The following HEBP2 variants were observed in gnomAD, a reference collection of about 807,000 sequenced individuals.
The protein encoded by HEBP2 is heme-binding protein 2.
HEBP2 carries 27 observed loss-of-function variants against 23.1 expected under a neutral mutation model. The observed-to-expected ratio is 1.17, with a 90% CI of 0.86 to 1.61. The LOEUF (loss-of-function observed/expected upper bound fraction) is 1.61. Ranked by LOEUF, HEBP2 falls within the 40% of genes most tolerant of loss-of-function variation. The pLI, the probability that HEBP2 is intolerant of heterozygous loss-of-function variation, is 0.00. For missense variants in HEBP2, 245 were observed against 253.8 expected, an observed-to-expected ratio of 0.97 and a Z score of 0.24; for synonymous variants, 99 against 95.1, an observed-to-expected ratio of 1.04 and a Z score of -0.24.
In HEBP2 at chr6:138,404,269, G is replaced by A; in HGVS notation, c.-227G>A. ...GGGGCAGGACGCGCAACTCCGGCCG[G>A]AGCTGTCCGGGGTCGTGAGCCGGCC... On this transcript the variant is annotated 5_prime_UTR_variant, in exon 1 of 4. Coordinates refer to ENST00000607197, the MANE Select transcript of HEBP2 (RefSeq NM_014320.3). The A allele has an allele frequency of 3.0e-6, 1 of 328,190 alleles. No individual in the cohort carries two copies. Among genetic ancestry groups the A allele is most frequent in the East Asian group, 4.7e-5 (1 of 21,154 alleles). 20.3% of individuals were successfully genotyped at this position (328,190 alleles called of 1,614,324 possible). A position where few individuals can be genotyped will look rare whatever the true frequency, so the allele number is the denominator to read the frequency against.
chr6:138,412,072 CT>C (rs1396519667), intron 3 of HEBP2: 1 of 449,616 alleles, frequency 2.2e-6, no homozygotes, highest in Admixed American at 2.4e-5. Flanking sequence ...AGTGTTTATT[CT>C]TTTCCTTAGG....
chr6:138,404,380 C>G lies in HEBP2; in HGVS notation c.-116C>G. On this transcript the variant is annotated 5_prime_UTR_variant, in exon 1 of 4. Transcript: ENST00000607197. ...CTCCAGCCCGGCCGGGAGGAGGGAC[C>G]GGGTCTGCGGAGCGGGGACTCGGGG... 2 of 607,816 alleles carry G rather than the reference C, an allele frequency of 3.3e-6. No individual in the cohort carries two copies. Among genetic ancestry groups the G allele is most frequent in the Non-Finnish European group, 4.6e-6 (2 of 430,526 alleles). The allele number at this position is 607,816 out of a possible 1,614,324, so 37.7% of individuals were successfully genotyped here. A position where few individuals can be genotyped will look rare whatever the true frequency, so the allele number is the denominator to read the frequency against.
Position 138,414,731 on chromosome 6 carries a change from C to T in HEBP2, c.*1653C>T, listed in dbSNP as rs1774812913. 2 of 152,200 alleles carry T rather than the reference C, an allele frequency of 1.3e-5. No homozygotes were observed. Among genetic ancestry groups the T allele is most frequent in the African/African-American group, 2.4e-5 (1 of 41,414 alleles). 9.4% of individuals were successfully genotyped at this position (152,200 alleles called of 1,614,324 possible). On this transcript the variant is annotated 3_prime_UTR_variant, in exon 4 of 4. Coordinates refer to ENST00000607197, the MANE Select transcript of HEBP2 (RefSeq NM_014320.3). ...ACAGCATGCTTTTTTCTGGCAATTC[C>T]CAGCCAATAACTGAGCAAGGTGGTG...
chr6:138,406,142 T>G lies in HEBP2; in HGVS notation c.410T>G (p.Val137Gly). ...ATTGAAGATAGAGCCGAAATGACTG[T>G]GTTTGTACGGTAAGTGGTAGATAAT... The part of the protein sequence containing the change: ...VFIEDRAEMT[V>G]FVRSFDGFSS... The change falls in exon 3 of 4, where the codon GTG becomes GGG. Residue 137 changes from valine to glycine, a missense_variant. Coordinates refer to ENST00000607197, the MANE Select transcript of HEBP2 (RefSeq NM_014320.3). 1 of 1,613,842 alleles carries G rather than the reference T, an allele frequency of 6.2e-7. No individual in the cohort carries two copies. The highest frequency in any genetic ancestry group is 2.2e-5 in the East Asian group (1 of 44,860).
At chr6:138,411,742 G>A (rs746635095) in intron 3 of HEBP2, among the ~76,000 whole-genome samples, 3 of 152,188 alleles carry the variant, frequency 2.0e-5, no homozygotes, top group Non-Finnish European at 2.9e-5. Context: ...TGGATCACTC[G>A]AGCTCAGGAG....
chr6:138,408,830 A>C (rs1317569863), intron 3 of HEBP2, among the ~76,000 whole-genome samples: 1 of 151,936 alleles, frequency 6.6e-6, no homozygotes, highest in African/African-American at 2.4e-5. Flanking sequence ...TATTGCTTCA[A>C]CTCCCTCAGT....
At chr6:138,408,246 C>G (rs1057196904) in intron 3 of HEBP2, among the ~76,000 whole-genome samples, 3 of 152,178 alleles carry the variant, frequency 2.0e-5, no homozygotes, top group African/African-American at 7.2e-5. Flanking sequence ...AGTTCTGCTT[C>G]CCTTTTGATT....
In HEBP2 at chr6:138,412,875, T is replaced by C. The variant is rs1425705189; in HGVS notation, c.420-5T>C. 2.5e-6 allele frequency: 4 copies of C among 1,610,606 alleles called. No homozygotes were observed. The Admixed American group carries it at 6.7e-5, about 27-fold the overall frequency. On this transcript the variant is annotated splice_polypyrimidine_tract_variant and splice_region_variant and intron_variant, in intron 3 of 3. Coordinates refer to ENST00000607197, the MANE Select transcript of HEBP2 (RefSeq NM_014320.3). ...ATTCACGGTTATTTCCTTTCTCCTT[T>C]GTAGGTCTTTCGATGGATTTTCTAG... is the stretch of plus-strand genomic sequence containing the variant.
In HEBP2 at chr6:138,404,883, A is replaced by G. The variant is rs963751437; in HGVS notation, c.103-262A>G. On this transcript the variant is annotated intron_variant, in intron 1 of 3. Transcript: ENST00000607197. The stretch of plus-strand genomic sequence containing the variant: ...GGAACCCTCCGAACCGAGGGGGTGT[A>G]ATAGATGCTTGTCTGAAAGTGTGAA... Among the ~76,000 whole-genome samples, 3 of 152,112 alleles carry G rather than the reference A, an allele frequency of 2.0e-5. No homozygotes were observed. In the East Asian group the frequency reaches 5.8e-4, roughly 29 times the overall value.
intron 3 of HEBP2, among the ~76,000 whole-genome samples, chr6:138,410,392 A>G (rs1303571115): frequency 1.3e-5 from 2 of 152,262 alleles, no homozygotes; most frequent in Non-Finnish European, 2.9e-5. Context: ...TGAATTTGAA[A>G]ACAAATTCCT....
chr6:138,412,780 T>C (rs113927101), intron 3 of HEBP2, 100 bp from the exon 4 acceptor site: 9 of 990,432 alleles, frequency 9.1e-6, no homozygotes, highest in African/African-American at 1.6e-5. Context: ...GGAGCTGCAC[T>C]TCACTCAGCA....
chr6:138,405,100 A>G (rs770314802), intron 1 of HEBP2, 45 bp from the exon 2 acceptor site: 2 of 1,600,090 alleles, frequency 1.2e-6, no homozygotes, highest in East Asian at 4.5e-5. Context: ...TCTCACTCCT[A>G]CCCTCTTAGA....
Position 138,417,764 on chromosome 6 carries a change from T to C in HEBP2, c.*4686T>C, listed in dbSNP as rs1479306734. 6.6e-6 allele frequency: 1 copy of C among 152,242 alleles called. No homozygotes were observed. The highest frequency in any genetic ancestry group is 1.5e-5 in the Non-Finnish European group (1 of 68,040). The allele number at this position is 152,242 out of a possible 1,614,324, so 9.4% of individuals were successfully genotyped here. On this transcript the variant is annotated 3_prime_UTR_variant, in exon 4 of 4. Transcript: ENST00000607197. ...CCTGGAGTCCTTGGTTGAGTGAAGG[T>C]GTTAGAAGAAACTACTTAAGCCAAG...
chr6:138,406,163 A>T lies in HEBP2; in HGVS notation c.419+12A>T. The T allele has an allele frequency of 6.2e-7, 1 of 1,611,440 alleles. No homozygotes were observed. The highest frequency in any genetic ancestry group is 1.1e-5 in the South Asian group (1 of 90,628). On this transcript the variant is annotated intron_variant, in intron 3 of 3. Coordinates refer to ENST00000607197, the MANE Select transcript of HEBP2 (RefSeq NM_014320.3). Reference sequence around the variant, plus strand: ...ACTGTGTTTGTACGGTAAGTGGTAGATAATTTATAGCCTTGCTGACTGCTA... The same window carrying T: ...ACTGTGTTTGTACGGTAAGTGGTAGTTAATTTATAGCCTTGCTGACTGCTA...
rs1011879688 is a variant in HEBP2 at position 138,420,413 on chromosome 6, G to A, written c.*7335G>A. 1 of 152,134 alleles carries A rather than the reference G, an allele frequency of 6.6e-6. No homozygotes were observed. The highest frequency in any genetic ancestry group is 2.4e-5 in the African/African-American group (1 of 41,420). The allele number at this position is 152,134 out of a possible 1,614,324, so 9.4% of individuals were successfully genotyped here. On this transcript the variant is annotated 3_prime_UTR_variant, in exon 4 of 4. Coordinates refer to ENST00000607197, the MANE Select transcript of HEBP2 (RefSeq NM_014320.3). Reference sequence around the variant, plus strand: ...TTTTTGGGAAAATGGATCCACATAGGCAAGGGGTGGACCATGGCAGGCATA... The same window carrying A: ...TTTTTGGGAAAATGGATCCACATAGACAAGGGGTGGACCATGGCAGGCATA...
chr6:138,404,065 G>A (rs1242693005), upstream of HEBP2, among the ~76,000 whole-genome samples: 1 of 152,110 alleles, frequency 6.6e-6, no homozygotes, highest in Non-Finnish European at 1.5e-5. Context: ...TTCCCAGCGC[G>A]GGCGGGGCCG....
rs1007634332 is a variant in HEBP2, at chr6:138,420,897, T to C, written c.*7819T>C. On this transcript the variant is annotated 3_prime_UTR_variant, in exon 4 of 4. Transcript: ENST00000607197. ...TAGGATCATGCCCCTCACTGATAGC[T>C]CAACCACGTTTTCTATCTTTGGGCC... is the stretch of plus-strand genomic sequence containing the variant. The C allele has an allele frequency of 7.9e-5, 12 of 152,220 alleles. No homozygotes were observed. The highest frequency in any genetic ancestry group is 2.9e-4 in the African/African-American group (12 of 41,446). The allele number at this position is 152,220 out of a possible 1,614,324, so 9.4% of individuals were successfully genotyped here.
chr6:138,412,764 A>G (rs1399558328), intron 3 of HEBP2, 116 bp from the exon 4 acceptor site: 1 of 858,208 alleles, frequency 1.2e-6, no homozygotes, highest in East Asian at 2.5e-5. Flanking sequence ...GAGAGGGAGT[A>G]ACTTTGGAGC....
rs896011604 is a variant in HEBP2 at position 138,415,369 on chromosome 6, T to C, written c.*2291T>C. 4.6e-5 allele frequency: 7 copies of C among 152,086 alleles called. No individual in the cohort carries two copies. Among genetic ancestry groups the C allele is most frequent in the Admixed American group, 6.6e-5 (1 of 15,266 alleles). The allele number at this position is 152,086 out of a possible 1,614,324, so 9.4% of individuals were successfully genotyped here. ...CCTGGTGGATAGGTGGCACAGACAGTCCCTGGCACAAGAAGGCTGTCCAGT... is the reference window on the plus strand; with the variant it reads ...CCTGGTGGATAGGTGGCACAGACAGCCCCTGGCACAAGAAGGCTGTCCAGT... On this transcript the variant is annotated 3_prime_UTR_variant, in exon 4 of 4. Coordinates refer to ENST00000607197, the MANE Select transcript of HEBP2 (RefSeq NM_014320.3).
Sources: gnomAD v4.1 joint callset for allele counts (sites outside exome capture counted in the v4.1 genomes callset) on GRCh38, gnomAD v4.1.1 for gene constraint, MANE v1.5 for transcripts, NCBI Gene and HGNC (gene_info 2026-07-23, HGNC 2026-07-21) for gene names.